The following GUCY2F variants were observed in gnomAD, a reference collection of about 807,000 sequenced individuals.
The protein encoded by GUCY2F is retinal guanylyl cyclase 2.
In GUCY2F, 61 loss-of-function variants were observed where a neutral mutation model predicts 73.1. The observed-to-expected ratio is 0.83, with a 90% CI of 0.68 to 1.03. The LOEUF (loss-of-function observed/expected upper bound fraction) is 1.03, where lower values mean the gene tolerates loss of function less well. Ranked by LOEUF, GUCY2F falls within the 50% of genes least tolerant of loss-of-function variation. GUCY2F has a pLI of 0.00. For synonymous variants in GUCY2F, 331 were observed against 307.8 expected (o/e 1.08, Z -0.79); for missense variants, 912 against 854.3 (o/e 1.07, Z -0.84).
intron 7 of GUCY2F, among the ~76,000 whole-genome samples, chrX:109,431,923 GA>G (rs1276873568): frequency 9.9e-6 from 1 of 101,382 alleles, no homozygotes; most frequent in African/African-American, 3.6e-5. Context: ...AAAAAAAAAA[GA>G]AAAAAAACTG....
chrX:109,445,687 G>T (rs988607149), intron 6 of GUCY2F, among the ~76,000 whole-genome samples: 7 of 111,445 alleles, frequency 6.3e-5, no homozygotes, highest in Non-Finnish European at 1.3e-4. Context: ...GGCAAAAACT[G>T]GAAGCATTCC....
chrX:109,470,204 G>A (rs758788173), intron 2 of GUCY2F, among the ~76,000 whole-genome samples: 6 of 111,817 alleles, frequency 5.4e-5, no homozygotes, highest in Non-Finnish European at 1.1e-4. Flanking sequence ...TTCCTAAACT[G>A]CTATGTACAT....
At chrX:109,404,151 G>T (rs1410178207) in intron 10 of GUCY2F, among the ~76,000 whole-genome samples, 177 bp downstream of exon 10, 1 of 112,540 alleles carries the variant, frequency 8.9e-6, no homozygotes, top group Non-Finnish European at 1.9e-5. Flanking sequence ...AGAAAGCTTG[G>T]CTGGGCCGAG....
chrX:109,451,879 G>C, intron 5 of GUCY2F, 144 bp downstream of exon 5: 1 of 449,784 alleles, frequency 2.2e-6, no homozygotes, highest in Non-Finnish European at 4.0e-6. Flanking sequence ...GGGCCTGTAG[G>C]AATGGTAAAC....
At chrX:109,392,633 C>A (rs73639121) in intron 13 of GUCY2F, among the ~76,000 whole-genome samples, 11,027 of 111,444 alleles carry the variant, frequency 0.099, 1,374 homozygotes, top group African/African-American at 0.34. Flanking sequence ...CACGAAGTGA[C>A]ACACAGAAAA....
intron 2 of GUCY2F, 130 bp from the exon 3 acceptor site, chrX:109,465,573 C>A (rs1932453050): frequency 2.0e-6 from 1 of 494,394 alleles, no homozygotes; most frequent in South Asian, 3.2e-5. Flanking sequence ...CCAAGATAAG[C>A]AAGATGTTGT....
intron 1 of GUCY2F, among the ~76,000 whole-genome samples, chrX:109,478,731 G>T (rs1298922289): frequency 8.9e-6 from 1 of 112,643 alleles, no homozygotes; most frequent in Admixed American, 9.3e-5. Context: ...GTCCTTTGAA[G>T]TAGGTGTTAT....
chrX:109,424,863 T>C (rs1294998217), intron 8 of GUCY2F, among the ~76,000 whole-genome samples: 1 of 108,330 alleles, frequency 9.2e-6, no homozygotes, highest in African/African-American at 3.4e-5. Flanking sequence ...GTCACCCGGG[T>C]TCAAGCAATT....
chrX:109,382,240 G>A, intron 16 of GUCY2F, 28 bp from the exon 17 acceptor site: 1 of 909,317 alleles, frequency 1.1e-6, no homozygotes, highest in Middle Eastern at 2.7e-4. Flanking sequence ...ACATGATTTG[G>A]GCTCCTTTCT....
At chrX:109,393,857 G>A (rs772880956) in intron 12 of GUCY2F, among the ~76,000 whole-genome samples, 3 of 112,189 alleles carry the variant, frequency 2.7e-5, no homozygotes, top group African/African-American at 9.7e-5. Flanking sequence ...ACAAAAAATC[G>A]GAGGTGGTTT....
chrX:109,386,401 A>G (rs774736999), intron 15 of GUCY2F, among the ~76,000 whole-genome samples: 1 of 111,300 alleles, frequency 9.0e-6, no homozygotes, highest in African/African-American at 3.3e-5. Flanking sequence ...ACAGTGGAAA[A>G]GGGACATAAA....
chrX:109,453,464 A>G, intron 4 of GUCY2F, 41 bp downstream of exon 4: 1 of 904,295 alleles, frequency 1.1e-6, no homozygotes, highest in Non-Finnish European at 1.6e-6. Flanking sequence ...TTGTAACCCA[A>G]GCTGAGCCAA....
intron 19 of GUCY2F, among the ~76,000 whole-genome samples, chrX:109,373,991 G>C (rs1037863505): frequency 4.5e-5 from 5 of 112,181 alleles, no homozygotes; most frequent in Non-Finnish European, 5.6e-5. Flanking sequence ...ACCCCACAGG[G>C]CTCTCTTAAA....
At chrX:109,455,123 C>G (rs12390264) in intron 3 of GUCY2F, among the ~76,000 whole-genome samples, 101 of 111,282 alleles carry the variant, frequency 9.1e-4, no homozygotes, top group African/African-American at 3.2e-3. Context: ...AATAGCAATG[C>G]CAAACCGAAC....
At chrX:109,451,921 G>A (rs192109630) in intron 5 of GUCY2F, 102 bp downstream of exon 5, 1 of 527,784 alleles carries the variant, frequency 1.9e-6, no homozygotes, top group African/African-American at 2.3e-5. Context: ...AGTGGGTCAT[G>A]TAATGAGGCA....
chrX:109,386,642 C>A (rs1166478761), intron 15 of GUCY2F, among the ~76,000 whole-genome samples: 2 of 111,443 alleles, frequency 1.8e-5, no homozygotes, highest in Non-Finnish European at 3.8e-5. Context: ...ACCAGGAAAA[C>A]CCTCCAGATG....
chrX:109,452,232 A>G (rs1932151218), intron 4 of GUCY2F, 125 bp from the exon 5 acceptor site: 2 of 480,169 alleles, frequency 4.2e-6, no homozygotes, highest in Non-Finnish European at 7.3e-6. Flanking sequence ...TACCTAACCT[A>G]ATTCCATTTT....
intron 12 of GUCY2F, among the ~76,000 whole-genome samples, chrX:109,395,051 T>C (rs1351968955): frequency 8.9e-6 from 1 of 111,929 alleles, no homozygotes; most frequent in African/African-American, 3.3e-5. Context: ...TGCCTGATGG[T>C]TCAATTCCAT....
At chrX:109,447,450 A>G (rs1299971507) in intron 6 of GUCY2F, among the ~76,000 whole-genome samples, 3 of 110,771 alleles carry the variant, frequency 2.7e-5, no homozygotes, top group African/African-American at 9.9e-5. Context: ...CAGCCATAAA[A>G]AATGATGAGT....
Sources: gnomAD v4.1 joint callset for allele counts (sites outside exome capture counted in the v4.1 genomes callset) on GRCh38, gnomAD v4.1.1 for gene constraint, MANE v1.5 for transcripts, NCBI Gene and HGNC (gene_info 2026-07-23, HGNC 2026-07-21) for gene names.